Variants in GALK2 observed in about 807,000 individuals in gnomAD.
GALK2 encodes the protein N-acetylgalactosamine kinase.
A neutral mutation model predicts 52.4 loss-of-function variants in GALK2; 36 were observed. That is an observed-to-expected ratio of 0.69 (90% CI 0.53 to 0.91). The LOEUF is 0.91. Ranked by LOEUF, GALK2 falls within the 40% of genes least tolerant of loss-of-function variation. The pLI is 0.00. For missense variants in GALK2, 579 were observed against 559.1 expected (o/e 1.04, Z -0.36); for synonymous variants, 176 against 199.1 (o/e 0.88, Z 0.98).
chr15:49,307,772 C>G (rs1326935000), intron 8 of GALK2, among the ~76,000 whole-genome samples: 1 of 152,190 alleles, frequency 6.6e-6, no homozygotes, highest in Non-Finnish European at 1.5e-5. Flanking sequence ...TGTTACTCTC[C>G]ATAAAACAGC....
At chr15:49,238,493 T>C (rs2090940526) in intron 4 of GALK2, among the ~76,000 whole-genome samples, 1 of 152,198 alleles carries the variant, frequency 6.6e-6, no homozygotes, top group Non-Finnish European at 1.5e-5. Context: ...CTATAAACTG[T>C]AGTAAGCATC....
chr15:49,207,825 T>C lies in GALK2; in HGVS notation c.142+6575T>C, dbSNP rs2141337771. Among the ~76,000 whole-genome samples the C allele has an allele frequency of 2.6e-5, 4 of 152,332 alleles. No homozygotes were observed. The Middle Eastern group carries it at 0.014, about 518-fold the overall frequency. ...GGAGTCTCGCTTTTGTCACCCAGGC[T>C]GGAGTGCAGTGGTGTGATCTCAGCT... On this transcript the variant is annotated intron_variant, in intron 2 of 9. Coordinates refer to ENST00000560031, the MANE Select transcript of GALK2 (RefSeq NM_002044.4).
At chr15:49,177,635 C>CT (rs747027840) in intron 1 of GALK2, 9 of 227,146 alleles carry the variant, frequency 4.0e-5, no homozygotes, top group Non-Finnish European at 7.0e-5. Context: ...AGTATTGTGC[C>CT]TTTTCCAAGA....
chr15:49,366,275 A>G (rs900802451), intron 3 of GALK2: 4 of 786,910 alleles, frequency 5.1e-6, no homozygotes, highest in African/African-American at 5.1e-5. Context: ...TATAAATGCA[A>G]TCAGTATTTT....
intron 1 of GALK2, among the ~76,000 whole-genome samples, chr15:49,162,455 C>T (rs761030795): frequency 6.6e-6 from 1 of 152,074 alleles, no homozygotes; most frequent in Non-Finnish European, 1.5e-5. Context: ...AACATTTGTG[C>T]ACAAGTTTTT....
chr15:49,167,874 G>A (rs878926988), upstream of GALK2, among the ~76,000 whole-genome samples: 2 of 152,134 alleles, frequency 1.3e-5, no homozygotes, highest in Admixed American at 1.3e-4. Flanking sequence ...TCCATTTGGG[G>A]TTCTCTAGTA....
chr15:49,160,198 C>A (rs903742030), intron 1 of GALK2, among the ~76,000 whole-genome samples: 4 of 151,994 alleles, frequency 2.6e-5, no homozygotes, highest in Non-Finnish European at 5.9e-5. Context: ...TTGCTTGCAT[C>A]TGGGAGGTCG....
intron 1 of GALK2, among the ~76,000 whole-genome samples, chr15:49,173,489 CCA>C (rs1411283656): frequency 6.6e-6 from 1 of 151,864 alleles, no homozygotes; most frequent in East Asian, 1.9e-4. Flanking sequence ...CCTGAAAATC[CCA>C]CAGTTTCTTT....
chr15:49,189,902 A>T (rs1434708355), intron 1 of GALK2, among the ~76,000 whole-genome samples: 1 of 152,226 alleles, frequency 6.6e-6, no homozygotes, highest in Non-Finnish European at 1.5e-5. Context: ...GACAGCAGAT[A>T]ACCGAAGCCA....
chr15:49,335,509 T>C, downstream of GALK2: 4 of 1,599,016 alleles, frequency 2.5e-6, no homozygotes, highest in South Asian at 1.1e-5. Flanking sequence ...GCTAGGCTTA[T>C]TATTAAGGAA....
chr15:49,228,688 T>TATATATATATATATATACA, intron 3 of GALK2, among the ~76,000 whole-genome samples: 1 of 10,444 alleles, frequency 9.6e-5, no homozygotes, highest in African/African-American at 3.4e-4. Flanking sequence ...TATATATATA[T>TATATATATATATATATACA]TTTTTTTTTT....
intron 9 of GALK2, among the ~76,000 whole-genome samples, chr15:49,325,178 CAA>C (rs2037260916): frequency 6.6e-6 from 1 of 152,208 alleles, no homozygotes; most frequent in African/African-American, 2.4e-5. Flanking sequence ...ACACAAGGAT[CAA>C]AGAGTAACAT....
intron 7 of GALK2, among the ~76,000 whole-genome samples, chr15:49,288,215 CT>C (rs1242213808): frequency 2.6e-5 from 4 of 152,068 alleles, no homozygotes; most frequent in African/African-American, 9.7e-5. Context: ...TACAGTATCC[CT>C]TAGTTATGTT....
At chr15:49,347,205 A>T (rs1204361332) in intron 3 of GALK2, among the ~76,000 whole-genome samples, 2 of 152,238 alleles carry the variant, frequency 1.3e-5, no homozygotes, top group Admixed American at 6.5e-5. Context: ...TAATTCAACA[A>T]AATTGCCAGG....
intron 1 of GALK2, among the ~76,000 whole-genome samples, chr15:49,175,890 A>G (rs2413936): frequency 0.28 from 41,802 of 151,512 alleles, 6,253 homozygotes; most frequent in East Asian, 0.43. Context: ...CCAGTCAAGT[A>G]CCCCCTGCTT....
intron 8 of GALK2, among the ~76,000 whole-genome samples, chr15:49,314,346 C>G (rs1448223640): frequency 6.6e-6 from 1 of 152,184 alleles, no homozygotes; most frequent in Non-Finnish European, 1.5e-5. Context: ...ATAAACAATT[C>G]TCAGTCATCT....
intron 3 of GALK2, among the ~76,000 whole-genome samples, chr15:49,229,451 A>T (rs1438249594): frequency 1.3e-5 from 2 of 152,022 alleles, no homozygotes; most frequent in Admixed American, 6.6e-5. Flanking sequence ...AGGCTGGGTG[A>T]GTTGGTCCCC....
chr15:49,339,960 C>T (rs2040416848), intron 3 of GALK2, among the ~76,000 whole-genome samples: 1 of 152,100 alleles, frequency 6.6e-6, no homozygotes, highest in African/African-American at 2.4e-5. Context: ...TGGTGGACAC[C>T]CCTCCCCCCA....
chr15:49,362,972 A>G (rs6493367), intron 3 of GALK2, among the ~76,000 whole-genome samples: 24,528 of 151,996 alleles, frequency 0.16, 3,116 homozygotes, highest in African/African-American at 0.35. Flanking sequence ...CTTCTGTTCC[A>G]TACGTCTTTG....
Sources: allele counts gnomAD v4.1 joint callset (sites outside exome capture counted in the v4.1 genomes callset), GRCh38; gene constraint gnomAD v4.1.1; transcripts MANE v1.5; gene names NCBI Gene and HGNC (gene_info 2026-07-23, HGNC 2026-07-21).